STRBP: variants seen among roughly 807,000 people sequenced by gnomAD.
STRBP encodes spermatid perinuclear RNA-binding protein.
Under a neutral mutation model 80.1 loss-of-function variants are expected in STRBP, and 13 were observed. The ratio of observed to expected loss-of-function variants is 0.16; its 90% CI spans 0.11 to 0.26. The LOEUF is 0.26. Among genes scored for constraint, STRBP ranks in the 10% least tolerant of loss-of-function variants. The pLI is 1.00. For missense variants in STRBP, 485 were observed against 815.2 expected (o/e 0.59, Z 4.93); for synonymous variants, 284 against 291.2 (o/e 0.98, Z 0.25).
intron 17 of STRBP, among the ~76,000 whole-genome samples, chr9:123,129,541 T>A (rs953259069): frequency 1.3e-5 from 2 of 152,172 alleles, no homozygotes; most frequent in Admixed American, 1.3e-4. Flanking sequence ...TCCCTCCTTC[T>A]CTGGATGACC....
At chr9:123,132,007 A>G (rs781270821) in intron 17 of STRBP, among the ~76,000 whole-genome samples, 1 of 152,228 alleles carries the variant, frequency 6.6e-6, no homozygotes, top group Non-Finnish European at 1.5e-5. Flanking sequence ...AAAGTACTAT[A>G]CTTTCAATAT....
At chr9:123,187,397 C>A (rs1484955753) in intron 2 of STRBP, among the ~76,000 whole-genome samples, 2 of 152,194 alleles carry the variant, frequency 1.3e-5, no homozygotes, top group Middle Eastern at 3.4e-3. Context: ...AGTATCTACT[C>A]CAAACTAAAT....
At chr9:123,201,185 A>T (rs927097921) in intron 2 of STRBP, among the ~76,000 whole-genome samples, 3 of 151,954 alleles carry the variant, frequency 2.0e-5, no homozygotes, top group Non-Finnish European at 2.9e-5. Flanking sequence ...AGCATATTTC[A>T]CTGATCTTTT....
At chr9:123,129,405 T>A (rs1312316201) in intron 17 of STRBP, among the ~76,000 whole-genome samples, 16 of 152,060 alleles carry the variant, frequency 1.1e-4, no homozygotes, top group Admixed American at 1.0e-3. Flanking sequence ...ATGAAAAAAA[T>A]TTCTAAAGTA....
At chr9:123,172,174 C>G (rs565920922) in intron 5 of STRBP, among the ~76,000 whole-genome samples, 40 of 152,238 alleles carry the variant, frequency 2.6e-4, no homozygotes, top group Middle Eastern at 3.4e-3. Flanking sequence ...GGAATATGAT[C>G]ATTCTCATAA....
At chr9:123,135,567 C>T (rs2036316927) in intron 16 of STRBP, among the ~76,000 whole-genome samples, 1 of 152,144 alleles carries the variant, frequency 6.6e-6, no homozygotes, top group Non-Finnish European at 1.5e-5. Context: ...AATGAACAGA[C>T]ACAATACAGC....
At chr9:123,171,089 T>G (rs1292418393) in intron 5 of STRBP, among the ~76,000 whole-genome samples, 1 of 152,100 alleles carries the variant, frequency 6.6e-6, no homozygotes, top group Non-Finnish European at 1.5e-5. Flanking sequence ...ATAAAGAAAC[T>G]GCAAAAAACA....
At chr9:123,177,041 C>A (rs1046352765) in intron 4 of STRBP, among the ~76,000 whole-genome samples, 1 of 152,210 alleles carries the variant, frequency 6.6e-6, no homozygotes, top group African/African-American at 2.4e-5. Context: ...CCCCACCCAT[C>A]TCTGTGTCCT....
At chr9:123,224,875 A>G (rs1014545144) in intron 2 of STRBP, among the ~76,000 whole-genome samples, 1 of 152,222 alleles carries the variant, frequency 6.6e-6, no homozygotes, top group Admixed American at 6.5e-5. Context: ...ACATACCTAG[A>G]GAAACATATA....
intron 1 of STRBP, among the ~76,000 whole-genome samples, chr9:123,263,907 C>T (rs553724803): frequency 3.3e-5 from 5 of 152,312 alleles, no homozygotes; most frequent in East Asian, 1.9e-4. Context: ...TGGCTGGGCG[C>T]GATGGCTCAC....
At chr9:123,197,170 T>C (rs77642996) in intron 2 of STRBP, among the ~76,000 whole-genome samples, 1 of 151,552 alleles carries the variant, frequency 6.6e-6, no homozygotes, top group East Asian at 1.9e-4. Flanking sequence ...TTCTTACTCA[T>C]CTGTGGAAGC....
Position 123,136,087 on chromosome 9 carries a change from G to A in STRBP, c.1727C>T (p.Ser576Phe). The change falls in exon 16 of 19, where the codon TCT (serine) becomes TTT (phenylalanine). Residue 576 changes from serine (S) to phenylalanine (F), a missense_variant. Ser to Phe is a radical substitution (Grantham distance 155). Coordinates refer to ENST00000348403, the MANE Select transcript of STRBP (RefSeq NM_018387.5). This position sits in a 1 kb window ranked among gnomAD's most constrained non-coding sequence, Gnocchi z 4.2. ...CTTATTATTTGCCGCATTGGGTCCA[G>A]AAAACAGTTTCTCCAAGGCAGCTAA... ...AALAALEKLF[S>F]GPNAANNKKK... 1 of 1,614,178 alleles carries A rather than the reference G, an allele frequency of 6.2e-7. No individual in the cohort carries two copies. The highest frequency in any genetic ancestry group is 8.5e-7 in the Non-Finnish European group (1 of 1,180,012).
In STRBP at chr9:123,267,973, C is replaced by T. The variant is rs899835735; in HGVS notation, c.-302+463G>A. ...GCTCTCCTCCTCCATTGGGCCGGAT[C>T]CCTCTGCACCCCTATTTACCCCCAA... On this transcript the variant is annotated intron_variant, in intron 1 of 18. Coordinates refer to ENST00000348403, the MANE Select transcript of STRBP (RefSeq NM_018387.5). Among the ~76,000 whole-genome samples the T allele has an allele frequency of 1.2e-4, 18 of 151,558 alleles. 1 individual carries two copies. Among genetic ancestry groups the T allele is most frequent in the Middle Eastern group, 6.8e-3 (2 of 292 alleles).
chr9:123,147,504 T>C (rs983709662), intron 12 of STRBP, among the ~76,000 whole-genome samples: 1 of 151,788 alleles, frequency 6.6e-6, no homozygotes, highest in Admixed American at 6.6e-5. Context: ...GGCAAAATCC[T>C]GTCTCTACCA....
chr9:123,164,057 T>C (rs566193378), intron 6 of STRBP, among the ~76,000 whole-genome samples: 2 of 152,354 alleles, frequency 1.3e-5, no homozygotes, highest in Admixed American at 6.5e-5. Flanking sequence ...TTTTGTTTTT[T>C]GTTTTTTGAG....
intron 2 of STRBP, among the ~76,000 whole-genome samples, chr9:123,225,258 T>A (rs2132564242): frequency 6.6e-6 from 1 of 152,332 alleles, no homozygotes; most frequent in East Asian, 1.9e-4. Flanking sequence ...TCAAGAAAAT[T>A]CATCAAGCTA....
intron 2 of STRBP, among the ~76,000 whole-genome samples, chr9:123,210,844 TCAAC>T (rs1309478451): frequency 2.7e-5 from 4 of 147,786 alleles, no homozygotes; most frequent in East Asian, 2.0e-4. Flanking sequence ...AAAAAAAAGA[TCAAC>T]CAAATGCAAT....
At chr9:123,240,896 T>C (rs1463883566) in intron 1 of STRBP, among the ~76,000 whole-genome samples, 6 of 152,184 alleles carry the variant, frequency 3.9e-5, no homozygotes, top group Middle Eastern at 3.2e-3. Flanking sequence ...TATAAAGTGA[T>C]TGGCCGGGCA....
chr9:123,207,256 T>A (rs1344773740), intron 2 of STRBP, among the ~76,000 whole-genome samples: 2 of 152,182 alleles, frequency 1.3e-5, no homozygotes, highest in African/African-American at 2.4e-5. Context: ...TAGCACTGAT[T>A]TTGTGCATTA....
Sources: gnomAD v4.1 joint callset for allele counts (sites outside exome capture counted in the v4.1 genomes callset) on GRCh38, gnomAD v4.1.1 for gene constraint, Gnocchi (gnomAD v3.1) non-coding constraint, MANE v1.5 for transcripts, NCBI Gene and HGNC (gene_info 2026-07-23, HGNC 2026-07-21) for gene names.